ROBO2: variants seen among roughly 807,000 people sequenced by gnomAD.
ROBO2 encodes the protein roundabout homolog 2.
Under a neutral mutation model 160.8 loss-of-function variants are expected in ROBO2, and 53 were observed. That is an observed-to-expected ratio of 0.33 (90% confidence interval 0.26 to 0.41). The LOEUF is 0.41. Ranked by LOEUF, ROBO2 falls within the 10% of genes least tolerant of loss-of-function variation. The pLI, the probability that ROBO2 is intolerant of heterozygous loss-of-function variation, is 1.00. For missense variants in ROBO2, 1,577 were observed against 1,722.4 expected (o/e 0.92, Z 1.49); for synonymous variants, 664 against 611.7 (o/e 1.09, Z -1.26).
chr3:76,145,106 G>GA (rs759970993), intron 2 of ROBO2, among the ~76,000 whole-genome samples: 33 of 116,452 alleles, frequency 2.8e-4, no homozygotes, highest in African/African-American at 7.5e-4. Context: ...GTAAAGAAGA[G>GA]AAAAAAAAAA....
At chr3:77,610,292 A>G (rs2153697688) in intron 21 of ROBO2, among the ~76,000 whole-genome samples, 1 of 152,246 alleles carries the variant, frequency 6.6e-6, no homozygotes, top group East Asian at 1.9e-4. Flanking sequence ...TTTTCTTGGC[A>G]TACAAAATAT....
chr3:76,151,141 C>G (rs2072181304), intron 2 of ROBO2, among the ~76,000 whole-genome samples: 1 of 152,096 alleles, frequency 6.6e-6, no homozygotes, highest in Non-Finnish European at 1.5e-5. Context: ...AAATTAATCA[C>G]CATCCCAGAC....
chr3:77,248,325 C>T (rs1270312642), intron 2 of ROBO2, among the ~76,000 whole-genome samples: 1 of 152,044 alleles, frequency 6.6e-6, no homozygotes, highest in East Asian at 1.9e-4. Flanking sequence ...TCGGGTGCCA[C>T]GAGTGTGGGT....
In ROBO2 at chr3:76,770,108, T is replaced by C. The variant is rs1419739372; in HGVS notation, c.110-327906T>C. 3.3e-5 allele frequency among the ~76,000 whole-genome samples: 5 copies of C among 151,596 alleles called. No homozygotes were observed. In the East Asian group the frequency reaches 7.8e-4, roughly 24 times the overall value. ...GTCTTTTTAAATTACCATCATGTAA[T>C]GTTTTAATTCACTGGTTTAGACTGA... On this transcript the variant is annotated intron_variant, in intron 2 of 26. Coordinates refer to the ROBO2 transcript ENST00000487694.
At chr3:77,386,726 C>T (rs571304679) in intron 2 of ROBO2, among the ~76,000 whole-genome samples, 19 of 150,234 alleles carry the variant, frequency 1.3e-4, no homozygotes, top group Admixed American at 3.3e-4. Context: ...CCTCGGCCTC[C>T]GGAGTAGCTG....
At chr3:76,772,651 G>A (rs2061985319) in intron 2 of ROBO2, among the ~76,000 whole-genome samples, 1 of 150,768 alleles carries the variant, frequency 6.6e-6, no homozygotes, top group Non-Finnish European at 1.5e-5. Context: ...GCAGTGAAGT[G>A]AGCATACAGT....
intron 2 of ROBO2, among the ~76,000 whole-genome samples, chr3:76,984,540 A>C (rs2060269475): frequency 6.6e-6 from 1 of 152,108 alleles, no homozygotes. Flanking sequence ...GTTCCAGGGG[A>C]GATAGAAGCA....
intron 2 of ROBO2, among the ~76,000 whole-genome samples, chr3:77,346,075 C>T (rs890895613): frequency 6.6e-6 from 1 of 152,084 alleles, no homozygotes; most frequent in Admixed American, 6.6e-5. Context: ...TAAAACAGAA[C>T]TACCCATGAT....
intron 2 of ROBO2, among the ~76,000 whole-genome samples, chr3:75,985,435 T>A (rs1237926481): frequency 6.6e-6 from 1 of 151,628 alleles, no homozygotes; most frequent in African/African-American, 2.4e-5. Context: ...AAGACAGTGT[T>A]AAATATTTGT....
chr3:76,219,630 C>A lies in ROBO2; in HGVS notation c.109+282028C>A, dbSNP rs1473757863. 4.6e-5 allele frequency among the ~76,000 whole-genome samples: 7 copies of A among 152,250 alleles called. No individual in the cohort carries two copies. The East Asian group carries it at 1.4e-3, about 29-fold the overall frequency. ...TGCAAATCAAAACCACAGTGAGATACCATCTCACACCAGTTAGAATGGCAA... is the reference window on the plus strand; with the variant it reads ...TGCAAATCAAAACCACAGTGAGATAACATCTCACACCAGTTAGAATGGCAA... On this transcript the variant is annotated intron_variant, in intron 2 of 26. Transcript: ENST00000487694.
intron 2 of ROBO2, among the ~76,000 whole-genome samples, chr3:77,426,598 A>G (rs549774479): frequency 3.2e-3 from 402 of 127,474 alleles, no homozygotes; most frequent in Non-Finnish European, 5.5e-3. Context: ...ACACATACAT[A>G]TGTGTGTGTC....
At chr3:77,156,478 G>A (rs1472617671) in intron 2 of ROBO2, among the ~76,000 whole-genome samples, 1 of 151,970 alleles carries the variant, frequency 6.6e-6, no homozygotes, top group Non-Finnish European at 1.5e-5. Flanking sequence ...AAACCATTAT[G>A]AGTTAAACCA....
At chr3:77,029,143 C>G (rs369467138) in intron 2 of ROBO2, among the ~76,000 whole-genome samples, 23 of 152,032 alleles carry the variant, frequency 1.5e-4, no homozygotes, top group African/African-American at 4.6e-4. Context: ...ACTTATGAGG[C>G]CCAACATCTT....
At chr3:77,129,383 A>G (rs1341064322) in intron 2 of ROBO2, among the ~76,000 whole-genome samples, 2 of 152,210 alleles carry the variant, frequency 1.3e-5, no homozygotes, top group Non-Finnish European at 1.5e-5. Context: ...CAAAATAGGA[A>G]CTATTACAAT....
intron 2 of ROBO2, among the ~76,000 whole-genome samples, chr3:77,346,842 A>T (rs556984672): frequency 1.3e-5 from 2 of 152,192 alleles, no homozygotes; most frequent in African/African-American, 4.8e-5. Flanking sequence ...AATCTCTCTT[A>T]ATCCCTTTCT....
chr3:76,279,558 G>A (rs1708120714), intron 2 of ROBO2, among the ~76,000 whole-genome samples: 1 of 151,976 alleles, frequency 6.6e-6, no homozygotes, highest in Admixed American at 6.6e-5. Flanking sequence ...ATAGAGATTA[G>A]GAGATGCCTG....
At chr3:77,421,070 C>T (rs961486239) in intron 2 of ROBO2, among the ~76,000 whole-genome samples, 1 of 152,098 alleles carries the variant, frequency 6.6e-6, no homozygotes, top group Non-Finnish European at 1.5e-5. Context: ...TCCTATCACA[C>T]TGGAAAAATC....
At chr3:77,162,134 T>A (rs761538102) in intron 2 of ROBO2, among the ~76,000 whole-genome samples, 2 of 151,816 alleles carry the variant, frequency 1.3e-5, no homozygotes, top group East Asian at 1.9e-4. Context: ...AGCTTCTCAG[T>A]ATTAAAAAAA....
chr3:76,166,570 C>G (rs1039477008), intron 2 of ROBO2, among the ~76,000 whole-genome samples: 2 of 152,052 alleles, frequency 1.3e-5, no homozygotes, highest in African/African-American at 4.8e-5. Flanking sequence ...GCCTAACTAT[C>G]CAGCTACCTA....
Sources: allele counts gnomAD v4.1 joint callset (sites outside exome capture counted in the v4.1 genomes callset), GRCh38; gene constraint gnomAD v4.1.1; transcripts MANE v1.5; gene names NCBI Gene and HGNC (gene_info 2026-07-23, HGNC 2026-07-21).